Variants in WRAP73 observed in about 807,000 individuals in gnomAD.
The protein encoded by WRAP73 is WD repeat containing, antisense to TP73, also known as WD repeat-containing protein WRAP73.
WRAP73 carries 55 observed loss-of-function variants against 59.6 expected under a neutral mutation model. The observed-to-expected ratio is 0.92, with a 90% CI of 0.74 to 1.15. WRAP73 has a LOEUF of 1.15. Among genes scored for constraint, WRAP73 ranks in the 50% most tolerant of loss-of-function variants. WRAP73 has a pLI of 0.00. For synonymous variants in WRAP73, 265 were observed against 258.2 expected, an observed-to-expected ratio of 1.03 and a Z score of -0.25; for missense variants, 592 against 608.1, an observed-to-expected ratio of 0.97 and a Z score of 0.28.
At position 3,635,979 on chromosome 1, in the gene WRAP73, C is replaced by T. The variant is rs777305772; in HGVS notation, c.568G>A (p.Gly190Ser). 17 of 1,613,914 alleles carry T rather than the reference C, an allele frequency of 1.1e-5. No homozygotes were observed. The highest frequency in any genetic ancestry group is 2.2e-5 in the South Asian group (2 of 91,078). The change falls in exon 6 of 12, where the codon GGC becomes AGC. Residue 190 changes from glycine to serine, a missense_variant. Physicochemically the swap from Gly to Ser is moderately conservative, Grantham distance 56 (BLOSUM62 0). Transcript: ENST00000270708. ...GTGTCCCACACTGCCAGCACACAGC[C>T]GTTTGGGGCCCACTCAATCCCTGTG... ...DLTGIEWAPN[G>S]CVLAVWDTCL... is the part of the protein sequence containing the mutation.
At chr1:3,649,794 G>C (rs1644723728) in intron 1 of WRAP73, 137 bp downstream of exon 1, 5 of 886,968 alleles carry the variant, frequency 5.6e-6, no homozygotes, top group Non-Finnish European at 8.3e-6. Flanking sequence ...GTACCTGCCC[G>C]GGCCCCGCAC....
At position 3,646,247 on chromosome 1, in the gene WRAP73, C is replaced by G. The variant is rs934906537; in HGVS notation, c.339+419G>C. Among the ~76,000 whole-genome samples the G allele has an allele frequency of 1.3e-5, 2 of 152,122 alleles. No homozygotes were observed. Among genetic ancestry groups the G allele is most frequent in the African/African-American group, 2.4e-5 (1 of 41,416 alleles). On this transcript the variant is annotated intron_variant, in intron 3 of 11. Coordinates refer to ENST00000270708, the MANE Select transcript of WRAP73 (RefSeq NM_017818.4). The surrounding 1 kb of genome is among the most constrained non-coding windows in gnomAD (Gnocchi z 5.1). ...GGCGGTGGGGCTCGCAATCTGGATA[C>G]GCCAAAGAGAAGCCACAAAGTGCTT...
chr1:3,631,194 C>T, intron 11 of WRAP73, 77 bp from the exon 12 acceptor site: 1 of 1,589,216 alleles, frequency 6.3e-7, no homozygotes, highest in Non-Finnish European at 8.6e-7. Context: ...CCTTGTCCTG[C>T]AGGCCAGCAC....
In WRAP73 at chr1:3,635,148, ACTGGTTCCCAC is replaced by A. The variant is rs776237399; in HGVS notation, c.738+1_738+11del. The stretch of plus-strand genomic sequence containing the variant: ...CGGTCGGACTTCCTGAGTGCCCTGC[ACTGGTTCCCAC>A]CTTTCCATCATAGCTCCCAACTGCC... On this transcript the variant is annotated splice_donor_variant and splice_donor_5th_base_variant and intron_variant, in intron 7 of 11. Transcript: ENST00000270708. LOFTEE classifies it high-confidence loss of function. The A allele has an allele frequency of 1.9e-6, 3 of 1,614,130 alleles. No individual in the cohort carries two copies. The highest frequency in any genetic ancestry group is 1.7e-6 in the Non-Finnish European group (2 of 1,180,050).
intron 3 of WRAP73, among the ~76,000 whole-genome samples, chr1:3,645,410 T>G (rs1159856213): frequency 1.6e-4 from 22 of 135,228 alleles, no homozygotes; most frequent in African/African-American, 6.3e-4. Context: ...GGTTGCCCCG[T>G]GGTGTGCGCG....
chr1:3,633,348 G>T (rs749115926), intron 9 of WRAP73, 50 bp downstream of exon 9: 12 of 1,518,910 alleles, frequency 7.9e-6, no homozygotes, highest in South Asian at 1.1e-5. Flanking sequence ...GGACAACGAG[G>T]AATCTTGCAT....
Position 3,646,865 on chromosome 1 carries a change from G to A in WRAP73, c.223-83C>T, listed in dbSNP as rs1185298710. On this transcript the variant is annotated intron_variant, in intron 2 of 11. Transcript: ENST00000270708. The surrounding 1 kb of genome is among the most constrained non-coding windows in gnomAD (Gnocchi z 5.1). ...CGAGGACAGCTCGCTTAAACGCAGC[G>A]GAGACCCGACCGCACAGGGTGTCTT... 9.1e-6 allele frequency: 11 copies of A among 1,209,908 alleles called. No individual in the cohort carries two copies. The highest frequency in any genetic ancestry group is 7.0e-5 in the East Asian group (3 of 42,640). The allele number at this position is 1,209,908 out of a possible 1,614,324, so 74.9% of individuals were successfully genotyped here. A position where few individuals can be genotyped will look rare whatever the true frequency, so the allele number is the denominator to read the frequency against.
In WRAP73 at chr1:3,639,681, G is replaced by A. The variant is rs1644620111; in HGVS notation, c.340-859C>T. 1 of 152,252 alleles carries A rather than the reference G, an allele frequency of 6.6e-6. No homozygotes were observed. Among genetic ancestry groups the A allele is most frequent in the South Asian group, 2.1e-4 (1 of 4,840 alleles). The allele number at this position is 152,252 out of a possible 1,614,324, so 9.4% of individuals were successfully genotyped here. A position where few individuals can be genotyped will look rare whatever the true frequency, so the allele number is the denominator to read the frequency against. On this transcript the variant is annotated intron_variant, in intron 3 of 11. Transcript: ENST00000270708. The surrounding 1 kb of genome is among the most constrained non-coding windows in gnomAD (Gnocchi z 4.3). ...AACTGAAATATGGCCGAGGTGCGGG[G>A]ACACAAGGTGCGGGGTGGGGTGCTG...
intron 1 of WRAP73, among the ~76,000 whole-genome samples, chr1:3,647,809 C>T (rs1644705835): frequency 6.6e-6 from 1 of 152,250 alleles, no homozygotes; most frequent in East Asian, 1.9e-4. Flanking sequence ...TGTTTTAACT[C>T]GCTACTTAAA....
chr1:3,643,557 G>T (rs1644666371), intron 3 of WRAP73, among the ~76,000 whole-genome samples: 1 of 140,288 alleles, frequency 7.1e-6, no homozygotes, highest in Non-Finnish European at 1.6e-5. Flanking sequence ...AGTGGACTCA[G>T]CGGCCCCACT....
intron 6 of WRAP73, 140 bp downstream of exon 6, chr1:3,635,802 CAG>C: frequency 1.4e-6 from 1 of 724,272 alleles, no homozygotes; most frequent in South Asian, 1.8e-5. Flanking sequence ...GCCTGGGTGA[CAG>C]AGCAAGACCC....
At chr1:3,631,369 G>T in intron 11 of WRAP73, 97 bp downstream of exon 11, 1 of 1,462,646 alleles carries the variant, frequency 6.8e-7, no homozygotes, top group Non-Finnish European at 9.3e-7. Context: ...CTGGAGTGCT[G>T]CCGGAGACAG....
rs538476114 is a variant in WRAP73, at chr1:3,642,306, T to C, written c.340-3484A>G. On this transcript the variant is annotated intron_variant, in intron 3 of 11. Coordinates refer to ENST00000270708, the MANE Select transcript of WRAP73 (RefSeq NM_017818.4). ...TCCCATCAGATATTCAAACACACCA[T>C]AGAACCTCAATAATGTAGACAGTGT... 2.1e-3 allele frequency among the ~76,000 whole-genome samples: 327 copies of C among 152,302 alleles called. 2 individuals carry two copies. Among genetic ancestry groups the C allele is most frequent in the Admixed American group, 7.6e-3 (116 of 15,302 alleles).
At chr1:3,644,544 C>T (rs561757995) in intron 3 of WRAP73, among the ~76,000 whole-genome samples, 2 of 152,362 alleles carry the variant, frequency 1.3e-5, no homozygotes, top group African/African-American at 4.8e-5. Context: ...TCCTCACTTG[C>T]AACCATTAAA....
Position 3,632,237 on chromosome 1 carries a change from T to C in WRAP73, c.1024A>G (p.Ser342Gly). 6.2e-7 allele frequency: 1 copy of C among 1,614,086 alleles called. No homozygotes were observed. Among genetic ancestry groups the C allele is most frequent in the African/African-American group, 1.3e-5 (1 of 75,070 alleles). The change falls in exon 10 of 12, where the codon AGC (serine) becomes GGC (glycine). Residue 342 changes from serine to glycine, a missense_variant. By Grantham distance (56) the Ser-to-Gly change is moderately conservative (BLOSUM62 0). Transcript: ENST00000270708. ...CCGTTCCTTGTCGCCAGGAAGTAGC[T>C]GTCAGGACTAAATGCCAGCATTCCT... ...GIGMLAFSPDSYFLATRNDNI... is the reference protein window; with the variant it reads ...GIGMLAFSPDGYFLATRNDNI...
At chr1:3,633,755 T>C (rs1176621060) in intron 8 of WRAP73, 3 of 455,572 alleles carry the variant, frequency 6.6e-6, no homozygotes, top group Non-Finnish European at 1.2e-5. Flanking sequence ...GCCCTGTGAT[T>C]ACAGACGGGA....
At chr1:3,632,073 G>C in intron 10 of WRAP73, 140 bp downstream of exon 10, 2 of 1,496,724 alleles carry the variant, frequency 1.3e-6, no homozygotes, top group Non-Finnish European at 1.8e-6. Context: ...GCTTCTGTGA[G>C]CACCTCGGCT....
intron 1 of WRAP73, among the ~76,000 whole-genome samples, chr1:3,648,341 G>T (rs545418333): frequency 6.6e-6 from 1 of 152,138 alleles, no homozygotes; most frequent in African/African-American, 2.4e-5. Flanking sequence ...TAACTGCTTC[G>T]TTAGTTTTAC....
At position 3,630,914 on chromosome 1, in the gene WRAP73, G is replaced by T. The variant is rs947882009; in HGVS notation, c.*61C>A. 7.0e-6 allele frequency: 11 copies of T among 1,565,796 alleles called. No homozygotes were observed. In the East Asian group the frequency reaches 1.8e-4, roughly 26 times the overall value. On this transcript the variant is annotated 3_prime_UTR_variant, in exon 12 of 12. Coordinates refer to ENST00000270708, the MANE Select transcript of WRAP73 (RefSeq NM_017818.4). Reference sequence around the variant, plus strand: ...GTGGAGAACCTCCTGGTGAAGCTGTGTTTTTTCCCACACTGGAAACACAGA... The same window carrying T: ...GTGGAGAACCTCCTGGTGAAGCTGTTTTTTTTCCCACACTGGAAACACAGA...
Sources: allele counts gnomAD v4.1 joint callset (sites outside exome capture counted in the v4.1 genomes callset), GRCh38; gene constraint gnomAD v4.1.1; non-coding constraint Gnocchi (gnomAD v3.1); transcripts MANE v1.5; gene names NCBI Gene and HGNC (gene_info 2026-07-23, HGNC 2026-07-21).